The following RAB3C variants were observed in gnomAD, a reference collection of about 807,000 sequenced individuals.
RAB3C encodes the protein RAB3C, member RAS oncogene family, also known as ras-related protein Rab-3C.
A neutral mutation model predicts 26.4 loss-of-function variants in RAB3C; 17 were observed. The observed-to-expected ratio is 0.64, with a 90% CI of 0.44 to 0.97. RAB3C has a LOEUF of 0.97. RAB3C is among the 50% of genes least tolerant of loss of function. The pLI, the probability that RAB3C is intolerant of heterozygous loss-of-function variation, is 0.00. For missense variants in RAB3C, 242 were observed against 281.9 expected (o/e 0.86, Z 1.01); for synonymous variants, 91 against 95.9 (o/e 0.95, Z 0.30).
In RAB3C at chr5:58,852,182, T is replaced by A. The variant is rs1219952992; in HGVS notation, c.*831T>A. On this transcript the variant is annotated 3_prime_UTR_variant, in exon 5 of 5. Transcript: ENST00000282878. ...CAACAAGCATTTTAACCAAGAAGGG[T>A]ATGAGTAGCTATGGAATTCCAAGGT... The A allele has an allele frequency of 6.6e-6, 1 of 152,138 alleles. No individual in the cohort carries two copies. The highest frequency in any genetic ancestry group is 1.5e-5 in the Non-Finnish European group (1 of 68,044). The allele number at this position is 152,138 out of a possible 1,614,324, so 9.4% of individuals were successfully genotyped here.
At chr5:58,700,880 A>G (rs934858343) in intron 2 of RAB3C, among the ~76,000 whole-genome samples, 1 of 152,204 alleles carries the variant, frequency 6.6e-6, no homozygotes, top group Non-Finnish European at 1.5e-5. Context: ...AAAAAATGCT[A>G]TGGTAACATT....
chr5:58,627,703 C>T (rs961967801), intron 2 of RAB3C, among the ~76,000 whole-genome samples: 5 of 152,118 alleles, frequency 3.3e-5, no homozygotes, highest in African/African-American at 1.2e-4. Context: ...CTGAACATTG[C>T]CACTGTGGCA....
At chr5:58,693,334 GTGTATATA>G (rs751023763) in intron 2 of RAB3C, among the ~76,000 whole-genome samples, 10 of 83,832 alleles carry the variant, frequency 1.2e-4, no homozygotes, top group African/African-American at 4.2e-4. Flanking sequence ...ATATATATAT[GTGTATATA>G]TATATATATA....
At chr5:58,814,190 T>G (rs764304485) in intron 3 of RAB3C, among the ~76,000 whole-genome samples, 1 of 152,196 alleles carries the variant, frequency 6.6e-6, no homozygotes, top group Non-Finnish European at 1.5e-5. Flanking sequence ...TCTTTGGTTC[T>G]CTTCTTCTCT....
chr5:58,638,282 T>C (rs75305170), intron 2 of RAB3C, among the ~76,000 whole-genome samples: 8,466 of 152,200 alleles, frequency 0.056, 303 homozygotes, highest in Admixed American at 0.093. Context: ...ATTTGCATTT[T>C]TTTCTTTATA....
Position 58,639,478 on chromosome 5 carries a change from G to GT in RAB3C, c.252+21611dup, listed in dbSNP as rs774552296. ...GTTTCTGGTGAAGGCTCTCTTCCTGGTTTGTAGACAGCTGCCTTCCTCTGT... is the reference window on the plus strand; with the variant it reads ...GTTTCTGGTGAAGGCTCTCTTCCTGGTTTTGTAGACAGCTGCCTTCCTCTGT... On this transcript the variant is annotated intron_variant, in intron 2 of 4. Transcript: ENST00000282878. 4.6e-5 allele frequency among the ~76,000 whole-genome samples: 7 copies of GT among 152,246 alleles called. No individual in the cohort carries two copies. In the South Asian group the frequency reaches 1.2e-3, roughly 27 times the overall value.
In RAB3C at chr5:58,850,570, T is replaced by C. The variant is rs560604218; in HGVS notation, c.497-594T>C. Among the ~76,000 whole-genome samples the C allele has an allele frequency of 4.6e-5, 7 of 152,296 alleles. No individual in the cohort carries two copies. The South Asian group carries it at 1.5e-3, about 32-fold the overall frequency. ...TCATTAGGCAGCAGCAGGGCAGACA[T>C]GGAAAAGTTAGAGCTGGATTATATT... is the stretch of plus-strand genomic sequence containing the variant. On this transcript the variant is annotated intron_variant, in intron 4 of 4. Transcript: ENST00000282878.
At chr5:58,797,396 T>TATATATATATACAC (rs1561133620) in intron 3 of RAB3C, among the ~76,000 whole-genome samples, 11 of 116,806 alleles carry the variant, frequency 9.4e-5, no homozygotes, top group African/African-American at 3.6e-4. Context: ...TATATATATA[T>TATATATATATACAC]ACACAGAGAG....
intron 1 of RAB3C, among the ~76,000 whole-genome samples, chr5:58,596,666 T>G (rs866149232): frequency 5.3e-5 from 1 of 19,006 alleles, no homozygotes; most frequent in Non-Finnish European, 1.4e-4. Context: ...CATAATATAT[T>G]ATATATAAAT....
chr5:58,759,295 T>C (rs1296947611), intron 3 of RAB3C, among the ~76,000 whole-genome samples: 1 of 151,962 alleles, frequency 6.6e-6, no homozygotes, highest in Non-Finnish European at 1.5e-5. Context: ...CTTTCTGGAG[T>C]TGCAGCTGAT....
chr5:58,758,825 G>C (rs1325763861), intron 3 of RAB3C, among the ~76,000 whole-genome samples: 1 of 152,096 alleles, frequency 6.6e-6, no homozygotes, highest in East Asian at 1.9e-4. Context: ...GAATGTTTGA[G>C]TGGTGCTTCA....
At chr5:58,823,793 G>C (rs1217098211) in intron 3 of RAB3C, 1 of 151,764 alleles carries the variant, frequency 6.6e-6, no homozygotes. Flanking sequence ...AGTTACATAT[G>C]TATACATGTG....
intron 1 of RAB3C, among the ~76,000 whole-genome samples, chr5:58,591,526 A>G (rs1746126501): frequency 1.3e-5 from 2 of 151,190 alleles, no homozygotes; most frequent in Admixed American, 6.6e-5. Context: ...CTTAAAGTCT[A>G]TATTGTCTGA....
intron 3 of RAB3C, chr5:58,823,550 A>G (rs140765174): frequency 5.7e-6 from 1 of 174,206 alleles, no homozygotes; most frequent in Non-Finnish European, 1.3e-5. Flanking sequence ...AAAACAAAAA[A>G]GCTCATGTTG....
At chr5:58,656,080 C>T (rs985367943) in intron 2 of RAB3C, among the ~76,000 whole-genome samples, 3 of 152,050 alleles carry the variant, frequency 2.0e-5, no homozygotes, top group African/African-American at 7.2e-5. Context: ...CCACCGCGCC[C>T]GGCCCTAAAC....
chr5:58,802,390 T>C (rs899855107), intron 3 of RAB3C, among the ~76,000 whole-genome samples: 1 of 152,316 alleles, frequency 6.6e-6, no homozygotes, highest in East Asian at 1.9e-4. Context: ...TATAGTGCAG[T>C]GACTCTGTGT....
At chr5:58,841,433 G>C (rs1311756418) in intron 4 of RAB3C, among the ~76,000 whole-genome samples, 3 of 152,126 alleles carry the variant, frequency 2.0e-5, no homozygotes, top group Non-Finnish European at 4.4e-5. Flanking sequence ...ATAAAATGGA[G>C]TCCCAGTGCT....
At chr5:58,841,781 G>A (rs1209861388) in intron 4 of RAB3C, among the ~76,000 whole-genome samples, 1 of 152,148 alleles carries the variant, frequency 6.6e-6, no homozygotes. Flanking sequence ...GGATAGACAA[G>A]TCTGCAGAGA....
chr5:58,831,551 A>G (rs1260671307), intron 4 of RAB3C, among the ~76,000 whole-genome samples: 1 of 152,142 alleles, frequency 6.6e-6, no homozygotes, highest in African/African-American at 2.4e-5. Flanking sequence ...TTGTACAGCA[A>G]TTTTTCAGTA....
Sources: gnomAD v4.1 joint callset for allele counts (sites outside exome capture counted in the v4.1 genomes callset) on GRCh38, gnomAD v4.1.1 for gene constraint, MANE v1.5 for transcripts, NCBI Gene and HGNC (gene_info 2026-07-23, HGNC 2026-07-21) for gene names.